Variants in HPS4 observed in about 807,000 individuals in gnomAD.
The protein encoded by HPS4 is HPS4 biogenesis of lysosomal organelles complex 3 subunit 2, also known as BLOC-3 complex member HPS4.
In HPS4, 44 loss-of-function variants were observed where a neutral mutation model predicts 70.3. The ratio of observed to expected loss-of-function variants is 0.63; its 90% CI spans 0.49 to 0.80. The LOEUF is 0.80. Among genes scored for constraint, HPS4 ranks in the 30% least tolerant of loss-of-function variants. The pLI is 0.00. For synonymous variants in HPS4, 377 were observed against 355.9 expected (o/e 1.06, Z -0.67); for missense variants, 873 against 884.4 (o/e 0.99, Z 0.16).
Position 26,465,605 on chromosome 22 carries a change from C to T in HPS4, c.707-54G>A, listed in dbSNP as rs574985523. On this transcript the variant is annotated intron_variant, in intron 9 of 13. Transcript: ENST00000398145. ...CTTTCCCCTGAGCCAGAGAGGGCAG[C>T]GGGGCAATAGCTGCACTGGCGTGAT... 2.5e-5 allele frequency: 36 copies of T among 1,441,598 alleles called. No homozygotes were observed. In the East Asian group the frequency reaches 7.0e-4, roughly 28 times the overall value. 89.3% of individuals were successfully genotyped at this position (1,441,598 alleles called of 1,614,324 possible).
rs745665820 is a variant in HPS4, at chr22:26,458,470, G to GT, written c.1820dup (p.Tyr607Ter). 6.2e-7 allele frequency: 1 copy of GT among 1,614,012 alleles called. No homozygotes were observed. Among genetic ancestry groups the GT allele is most frequent in the African/African-American group, 1.3e-5 (1 of 74,896 alleles). ...STSSTYNFTH[Y>*]DRIQSLLMAN... Reference sequence around the variant, plus strand: ...CCATCAGCAAGCTCTGAATGCGGTCGTAATGTGTGAAGTTGTAGGTGCTGC... The same window carrying GT: ...CCATCAGCAAGCTCTGAATGCGGTCGTTAATGTGTGAAGTTGTAGGTGCTGC... The change falls in exon 12 of 14, where the codon TAC (tyrosine) becomes TAAC (stop). Residue 607 changes from tyrosine to a stop codon, truncating the protein, a stop_gained and frameshift_variant. Coordinates refer to ENST00000398145, the MANE Select transcript of HPS4 (RefSeq NM_022081.6). LOFTEE classifies it high-confidence loss of function.
intron 8 of HPS4, chr22:26,466,996 AAT>A (rs540110574): frequency 5.9e-5 from 9 of 152,448 alleles, no homozygotes; most frequent in Non-Finnish European, 8.8e-5. Flanking sequence ...TGAAAAAAAA[AAT>A]CACATACAAT....
At chr22:26,443,507 G>A (rs60636835), downstream of HPS4, 3,473 of 247,978 alleles carry the variant, frequency 0.014, 57 homozygotes, top group East Asian at 0.073. Flanking sequence ...GAGACTTAGT[G>A]CCCTTGTAAG....
chr22:26,457,210 C>CCTTTTTTTTTTTTTTTTTTTTTTTTTTT lies in HPS4; in HGVS notation c.1955+648_1955+649insAAAAAAAAAAAAAAAAAAAAAAAAAAAG, dbSNP rs386395106. Among the ~76,000 whole-genome samples, 8 of 25,554 alleles carry CCTTTTTTTTTTTTTTTTTTTTTTTTTTT rather than the reference C, an allele frequency of 3.1e-4. 4 individuals are homozygous for CCTTTTTTTTTTTTTTTTTTTTTTTTTTT. 16.8% of individuals were successfully genotyped at this position (25,554 alleles called of 152,430 possible). A position where few individuals can be genotyped will look rare whatever the true frequency, so the allele number is the denominator to read the frequency against. ...ATGACTGTATGATCAGCACGTATTA[C>CCTTTTTTTTTTTTTTTTTTTTTTTTTTT]TTTTTTTTTTTTTTTTTTTTTTCTG... On this transcript the variant is annotated intron_variant, in intron 13 of 13. Coordinates refer to ENST00000398145, the MANE Select transcript of HPS4 (RefSeq NM_022081.6).
intron 3 of HPS4, 78 bp from the exon 4 acceptor site, chr22:26,477,214 C>A: frequency 6.7e-7 from 1 of 1,494,064 alleles, no homozygotes; most frequent in Non-Finnish European, 9.3e-7. Flanking sequence ...CATACTAAAG[C>A]CTGCAAGCCA....
At chr22:26,480,983 C>T (rs1462042427) in intron 2 of HPS4, among the ~76,000 whole-genome samples, 1 of 152,148 alleles carries the variant, frequency 6.6e-6, no homozygotes, top group Non-Finnish European at 1.5e-5. Context: ...TTTCCCAATA[C>T]CTAAGGCTGG....
chr22:26,471,542 A>T (rs1285629500), intron 6 of HPS4, among the ~76,000 whole-genome samples: 1 of 152,320 alleles, frequency 6.6e-6, no homozygotes, highest in African/African-American at 2.4e-5. Flanking sequence ...TGACACATTA[A>T]GAAGTTTATT....
In HPS4 at chr22:26,468,535, G is replaced by T. The variant is rs1435353290; in HGVS notation, c.669+16C>A. On this transcript the variant is annotated intron_variant, in intron 8 of 13. Coordinates refer to ENST00000398145, the MANE Select transcript of HPS4 (RefSeq NM_022081.6). ...TGGGGGATGCTGTCCAGCCAGGTGG[G>T]TGGACTTTACAATACCTGCTCCTGA... 6.2e-7 allele frequency: 1 copy of T among 1,608,828 alleles called. No individual in the cohort carries two copies. Among genetic ancestry groups the T allele is most frequent in the Non-Finnish European group, 8.5e-7 (1 of 1,175,582 alleles).
chr22:26,464,451 A>T lies in HPS4; in HGVS notation c.1179T>A (p.Pro393=). ...ASGHFAFLHV[P]VPDGRAPYCK... Reference sequence around the variant, plus strand: ...AGTAAGGAGCCCTGCCATCTGGAACAGGCACATGTAGGAAGGCAAAATGAC... The same window carrying T: ...AGTAAGGAGCCCTGCCATCTGGAACTGGCACATGTAGGAAGGCAAAATGAC... Residue 393 remains proline, a synonymous_variant, in exon 11 of 14, where the codon CCT becomes CCA. Transcript: ENST00000398145. The T allele has an allele frequency of 1.2e-6, 2 of 1,614,232 alleles. No individual in the cohort carries two copies. Among genetic ancestry groups the T allele is most frequent in the Non-Finnish European group, 1.7e-6 (2 of 1,180,038 alleles).
At chr22:26,466,739 G>GTTTGTTCATGCTATACCCAATCTCTCA in intron 8 of HPS4, 1 of 189,460 alleles carries the variant, frequency 5.3e-6, no homozygotes, top group Non-Finnish European at 1.1e-5. Context: ...CCAATCTCTC[G>GTTTGTTCATGCTATACCCAATCTCTCA]TTTGTTCTGG....
chr22:26,468,671 A>G (rs760051795), intron 7 of HPS4, 48 bp from the exon 8 acceptor site: 32 of 1,544,286 alleles, frequency 2.1e-5, no homozygotes, highest in Non-Finnish European at 2.8e-5. Flanking sequence ...GAAATACACC[A>G]AAACACTCCA....
chr22:26,447,713 T>TA (rs1325245846), downstream of HPS4, among the ~76,000 whole-genome samples: 1 of 152,024 alleles, frequency 6.6e-6, no homozygotes, highest in African/African-American at 2.4e-5. Context: ...GCCACATATT[T>TA]TAGAACTGCT....
At chr22:26,459,092 A>G (rs1224978634) in intron 11 of HPS4, among the ~76,000 whole-genome samples, 2 of 152,196 alleles carry the variant, frequency 1.3e-5, no homozygotes, top group Non-Finnish European at 1.5e-5. Flanking sequence ...TCACAATACA[A>G]ACAGCCTGGG....
At chr22:26,472,508 C>T (rs2089972495) in intron 5 of HPS4, 90 bp from the exon 6 acceptor site, 4 of 901,766 alleles carry the variant, frequency 4.4e-6, no homozygotes, top group South Asian at 3.9e-5. Context: ...AATTGTTCCT[C>T]ACACAGGAAA....
At chr22:26,466,641 T>C (rs547887349) in intron 8 of HPS4, 10 of 331,386 alleles carry the variant, frequency 3.0e-5, no homozygotes, top group East Asian at 6.6e-5. Context: ...AGCCCTGATG[T>C]AGAATTCACA....
At chr22:26,448,466 A>T (rs534454504), downstream of HPS4, among the ~76,000 whole-genome samples, 1 of 152,236 alleles carries the variant, frequency 6.6e-6, no homozygotes, top group Admixed American at 6.5e-5. Context: ...AGGATGCACA[A>T]GGTGTCTTTG....
chr22:26,481,022 G>A (rs914692710), intron 2 of HPS4, among the ~76,000 whole-genome samples: 4 of 152,092 alleles, frequency 2.6e-5, no homozygotes, highest in Admixed American at 6.5e-5. Flanking sequence ...GGTAAGCTCA[G>A]ATCAAAAAGC....
chr22:26,475,029 A>G (rs1331447647), intron 4 of HPS4, among the ~76,000 whole-genome samples: 1 of 152,232 alleles, frequency 6.6e-6, no homozygotes, highest in African/African-American at 2.4e-5. Context: ...AGTTTCCTAT[A>G]AAATCCAACA....
chr22:26,459,376 ACT>A (rs934190226), intron 11 of HPS4, among the ~76,000 whole-genome samples: 1 of 152,210 alleles, frequency 6.6e-6, no homozygotes, highest in African/African-American at 2.4e-5. Flanking sequence ...GTTTTGTGTA[ACT>A]CTTTTTCTGT....
Sources: allele counts gnomAD v4.1 joint callset (sites outside exome capture counted in the v4.1 genomes callset), GRCh38; gene constraint gnomAD v4.1.1; transcripts MANE v1.5; gene names NCBI Gene and HGNC (gene_info 2026-07-23, HGNC 2026-07-21).